Variants in PHF24 observed in about 807,000 individuals in gnomAD.
PHF24 encodes Galpha inhibitory interacting protein.
PHF24 carries 25 observed loss-of-function variants against 42.6 expected under a neutral mutation model. The ratio of observed to expected loss-of-function variants is 0.59; its 90% CI spans 0.43 to 0.82. The LOEUF (loss-of-function observed/expected upper bound fraction) is 0.82. Ranked by LOEUF, PHF24 falls within the 40% of genes least tolerant of loss-of-function variation. PHF24 has a pLI of 0.00. For synonymous variants in PHF24, 185 were observed against 204.8 expected (o/e 0.90, Z 0.83); for missense variants, 470 against 538.1 (o/e 0.87, Z 1.25).
chr9:34,832,277 T>C, the PHF24 span: 1 of 547,342 alleles, frequency 1.8e-6, no homozygotes. Context: ...TGTTTCTATC[T>C]GAACTGAGGG....
the PHF24 span, among the ~76,000 whole-genome samples, chr9:34,774,393 C>G: frequency 1.8e-5 from 1 of 55,020 alleles, no homozygotes; most frequent in Non-Finnish European, 5.8e-5. Flanking sequence ...TCCTACAACA[C>G]ACAACAAAAA....
chr9:34,734,460 G>C, the PHF24 span, among the ~76,000 whole-genome samples: 60,301 of 152,024 alleles, frequency 0.4, 14,009 homozygotes, highest in East Asian at 0.63. Flanking sequence ...TGGGGAAAAG[G>C]AAGAGCAGCT....
chr9:34,825,118 TTTCCCGAGGATAACGTGGACTA>T, the PHF24 span, among the ~76,000 whole-genome samples: 1 of 152,126 alleles, frequency 6.6e-6, no homozygotes, highest in Admixed American at 6.6e-5. Context: ...TTCTTCATGG[TTTCCCGAGGATAACGTGGACTA>T]AGTGTGTCTA....
At chr9:34,977,487 T>C (rs917032728) in intron 6 of PHF24, 59 bp from the exon 7 acceptor site, 2 of 1,515,168 alleles carry the variant, frequency 1.3e-6, no homozygotes, top group African/African-American at 2.8e-5. Flanking sequence ...TACCAGAGTT[T>C]GGGAGGGGGC....
the PHF24 span, among the ~76,000 whole-genome samples, chr9:34,821,686 C>G: frequency 6.6e-6 from 1 of 152,194 alleles, no homozygotes; most frequent in Non-Finnish European, 1.5e-5. Flanking sequence ...AGGACACTCA[C>G]ACCACTAAGA....
At chr9:34,710,934 A>G in the PHF24 span, among the ~76,000 whole-genome samples, 2 of 151,992 alleles carry the variant, frequency 1.3e-5, no homozygotes, top group Non-Finnish European at 2.9e-5. Flanking sequence ...TAGCATAACC[A>G]TTTTGATTCC....
the PHF24 span, among the ~76,000 whole-genome samples, chr9:34,856,059 A>G: frequency 1.7e-3 from 263 of 152,076 alleles, no homozygotes; most frequent in African/African-American, 5.0e-3. Flanking sequence ...TGCTTGATCT[A>G]TTCTGCTGTT....
chr9:34,726,082 G>T, the PHF24 span: 25 of 1,501,208 alleles, frequency 1.7e-5, no homozygotes, highest in Middle Eastern at 1.7e-4. Context: ...GCTGACAGTG[G>T]TGTCTTTGTT....
At chr9:34,725,765 G>T in the PHF24 span, 1 of 1,549,794 alleles carries the variant, frequency 6.5e-7, no homozygotes, top group Admixed American at 2.0e-5. Context: ...GGAAAGTGGG[G>T]AAGAGGGTGG....
the PHF24 span, among the ~76,000 whole-genome samples, chr9:34,668,781 G>A: frequency 6.6e-6 from 1 of 152,168 alleles, no homozygotes; most frequent in Non-Finnish European, 1.5e-5. Context: ...ATTTCACCCT[G>A]GCAATGTAAA....
the PHF24 span, among the ~76,000 whole-genome samples, chr9:34,859,763 TA>T: frequency 6.6e-6 from 1 of 152,210 alleles, no homozygotes; most frequent in African/African-American, 2.4e-5. Context: ...ACTACTAAGG[TA>T]AGGCCTTTGT....
At chr9:34,829,728 C>G in the PHF24 span, among the ~76,000 whole-genome samples, 1 of 152,066 alleles carries the variant, frequency 6.6e-6, no homozygotes, top group Non-Finnish European at 1.5e-5. Flanking sequence ...ATATTTTAAC[C>G]ATTCAGGCAA....
At chr9:34,946,994 TCTC>T in the PHF24 span, among the ~76,000 whole-genome samples, 1 of 152,196 alleles carries the variant, frequency 6.6e-6, no homozygotes, top group African/African-American at 2.4e-5. Flanking sequence ...TCAATTCTTT[TCTC>T]CTCTTCTTCT....
the PHF24 span, among the ~76,000 whole-genome samples, chr9:34,766,279 A>G: frequency 6.6e-6 from 1 of 152,222 alleles, no homozygotes; most frequent in South Asian, 2.1e-4. Flanking sequence ...TCTCCTGGAT[A>G]ATATCTTGCA....
chr9:34,930,946 G>A, the PHF24 span, among the ~76,000 whole-genome samples: 1 of 152,154 alleles, frequency 6.6e-6, no homozygotes, highest in African/African-American at 2.4e-5. Flanking sequence ...TGTTGGAAGT[G>A]GAGCCTGGTG....
chr9:34,710,143 G>T, the PHF24 span: 2 of 1,167,880 alleles, frequency 1.7e-6, no homozygotes, highest in South Asian at 1.3e-5. Context: ...CTGTGCGTGG[G>T]CTGGGATTGG....
chr9:34,835,742 G>C, the PHF24 span: 1 of 1,551,112 alleles, frequency 6.4e-7, no homozygotes, highest in Non-Finnish European at 8.7e-7. Flanking sequence ...TACGTTGACT[G>C]GGCAGCTGAC....
chr9:34,738,838 G>A, the PHF24 span, among the ~76,000 whole-genome samples: 1 of 152,170 alleles, frequency 6.6e-6, no homozygotes, highest in African/African-American at 2.4e-5. Flanking sequence ...TGGACATCAT[G>A]CTTATACCTA....
chr9:34,885,196 C>T, the PHF24 span, among the ~76,000 whole-genome samples: 2 of 152,212 alleles, frequency 1.3e-5, no homozygotes, highest in East Asian at 1.9e-4. Flanking sequence ...AGGCCTAGAC[C>T]TTGTGACTTC....
Sources: gnomAD v4.1 joint callset for allele counts (sites outside exome capture counted in the v4.1 genomes callset) on GRCh38, gnomAD v4.1.1 for gene constraint, MANE v1.5 for transcripts, NCBI Gene and HGNC (gene_info 2026-07-23, HGNC 2026-07-21) for gene names.